PSME4: variants seen among roughly 807,000 people sequenced by gnomAD.
The protein encoded by PSME4 is proteasome activator complex subunit 4.
A neutral mutation model predicts 253.9 loss-of-function variants in PSME4; 89 were observed. That is an observed-to-expected ratio of 0.35 (90% CI 0.30 to 0.42). The LOEUF is 0.42. PSME4 is among the 10% of genes least tolerant of loss of function. The pLI, the probability that PSME4 is intolerant of heterozygous loss-of-function variation, is 1.00. For missense variants in PSME4, 2,014 were observed against 2,195.2 expected, an observed-to-expected ratio of 0.92 and a Z score of 1.65; for synonymous variants, 851 against 759.2, an observed-to-expected ratio of 1.12 and a Z score of -1.99.
At chr2:53,923,544 C>T in intron 14 of PSME4, 125 bp from the exon 15 acceptor site, 2 of 1,238,424 alleles carry the variant, frequency 1.6e-6, no homozygotes, top group Non-Finnish European at 2.2e-6. Context: ...AATTTTTAAC[C>T]ATCTGATTTT....
intron 14 of PSME4, among the ~76,000 whole-genome samples, chr2:53,923,789 G>A (rs1431917703): frequency 6.6e-6 from 1 of 152,054 alleles, no homozygotes; most frequent in African/African-American, 2.4e-5. Context: ...CAGGCATGGT[G>A]GCGCATGCCT....
chr2:53,908,967 A>G, intron 21 of PSME4, 127 bp from the exon 22 acceptor site: 9 of 631,224 alleles, frequency 1.4e-5, no homozygotes, highest in East Asian at 2.7e-5. Flanking sequence ...TGCCTTTACC[A>G]TAGTTGAATT....
chr2:53,875,487 T>C, intron 42 of PSME4, 140 bp downstream of exon 42: 1 of 763,762 alleles, frequency 1.3e-6, no homozygotes. Context: ...GTTTCTTTGG[T>C]CAATATATAT....
chr2:53,950,323 T>C (rs1464878094), intron 1 of PSME4, among the ~76,000 whole-genome samples: 4 of 151,824 alleles, frequency 2.6e-5, no homozygotes, highest in African/African-American at 9.7e-5. Context: ...AAGTATCTTA[T>C]GGTAACTGAG....
chr2:53,940,283 A>G (rs1189213713), intron 3 of PSME4, among the ~76,000 whole-genome samples: 1 of 152,184 alleles, frequency 6.6e-6, no homozygotes, highest in Admixed American at 6.5e-5. Context: ...TTTACAAGGT[A>G]GGCAGCAATG....
chr2:53,961,000 A>G (rs1032707351), intron 1 of PSME4, among the ~76,000 whole-genome samples: 10 of 152,000 alleles, frequency 6.6e-5, no homozygotes, highest in African/African-American at 2.4e-4. Flanking sequence ...CTAGCTACCC[A>G]GGAGGCTGAG....
chr2:53,915,738 T>C (rs1668030818), intron 20 of PSME4, among the ~76,000 whole-genome samples: 1 of 152,046 alleles, frequency 6.6e-6, no homozygotes, highest in Non-Finnish European at 1.5e-5. Context: ...CAGCTAGAAT[T>C]TTATCTAAGA....
At chr2:53,957,791 G>C (rs1168204443) in intron 1 of PSME4, among the ~76,000 whole-genome samples, 2 of 152,166 alleles carry the variant, frequency 1.3e-5, no homozygotes, top group Non-Finnish European at 2.9e-5. Context: ...CCTGATGACA[G>C]TATATAGTAC....
Position 53,893,002 on chromosome 2 carries a change from C to T in PSME4, c.4039-42G>A, listed in dbSNP as rs377575562. The T allele has an allele frequency of 5.8e-6, 9 of 1,548,954 alleles. No homozygotes were observed. The African/African-American group carries it at 9.6e-5, about 16-fold the overall frequency. On this transcript the variant is annotated intron_variant, in intron 35 of 46. Coordinates refer to ENST00000404125, the MANE Select transcript of PSME4 (RefSeq NM_014614.3). ...TGTTCTTCAGTACTCAAATGACTATCATCTCGATTATAATTATGCTTGTAA... is the reference window on the plus strand; with the variant it reads ...TGTTCTTCAGTACTCAAATGACTATTATCTCGATTATAATTATGCTTGTAA...
chr2:53,905,616 C>T (rs913129412), intron 26 of PSME4, among the ~76,000 whole-genome samples: 2 of 152,254 alleles, frequency 1.3e-5, no homozygotes, highest in African/African-American at 2.4e-5. Context: ...ATAAGACGAT[C>T]GCTTGAGCTC....
chr2:53,877,767 T>C (rs763963675), intron 41 of PSME4, among the ~76,000 whole-genome samples: 19 of 152,288 alleles, frequency 1.2e-4, no homozygotes, highest in South Asian at 2.1e-4. Context: ...AGGAGCTGAC[T>C]TAAGTTTGGT....
At chr2:53,955,611 T>C (rs1670194444) in intron 1 of PSME4, among the ~76,000 whole-genome samples, 1 of 152,052 alleles carries the variant, frequency 6.6e-6, no homozygotes, top group African/African-American at 2.4e-5. Context: ...TAAAAATACA[T>C]AATCATTCAA....
rs1558661588 is a variant in PSME4 at position 53,897,166 on chromosome 2, G to GTTT, written c.3607-282_3607-281insAAA. 4.9e-5 allele frequency among the ~76,000 whole-genome samples: 6 copies of GTTT among 122,994 alleles called. No individual in the cohort carries two copies. The East Asian group carries it at 1.2e-3, about 24-fold the overall frequency. 80.7% of individuals were successfully genotyped at this position (122,994 alleles called of 152,430 possible). On this transcript the variant is annotated intron_variant, in intron 31 of 46. Transcript: ENST00000404125. ...CTCATTCTTCAAATCTTAGCCTCAG[G>GTTT]GTTTTTTTTTTTTTTTTTTTTGACA... is the stretch of plus-strand genomic sequence containing the variant.
At chr2:53,940,842 C>CA (rs1455170088) in intron 3 of PSME4, among the ~76,000 whole-genome samples, 1 of 103,564 alleles carries the variant, frequency 9.7e-6, no homozygotes, top group Admixed American at 1.0e-4. Flanking sequence ...CCCCAAATCT[C>CA]AAAAAAATTT....
intron 1 of PSME4, among the ~76,000 whole-genome samples, chr2:53,970,108 G>C (rs1670980635): frequency 6.6e-6 from 1 of 152,172 alleles, no homozygotes. Flanking sequence ...GATCGTAGGG[G>C]AAGGAAGAAC....
chr2:53,889,493 T>C (rs913028776), intron 37 of PSME4, among the ~76,000 whole-genome samples: 2 of 151,706 alleles, frequency 1.3e-5, no homozygotes, highest in Non-Finnish European at 2.9e-5. Flanking sequence ...TTCTGAAATA[T>C]TCTCCATCTC....
rs1436669740 is a variant in PSME4 at position 53,970,803 on chromosome 2, C to A, written c.-19G>T. ...GCTCCATGAGCCCAGGGACACCCCC[C>A]CCACCCCCTCCCACCCGAACCCTCC... On this transcript the variant is annotated 5_prime_UTR_variant, in exon 1 of 47. Coordinates refer to ENST00000404125, the MANE Select transcript of PSME4 (RefSeq NM_014614.3). 5 of 1,487,598 alleles carry A rather than the reference C, an allele frequency of 3.4e-6. No individual in the cohort carries two copies. The highest frequency in any genetic ancestry group is 4.5e-6 in the Non-Finnish European group (5 of 1,117,798). The allele number at this position is 1,487,598 out of a possible 1,614,324, so 92.1% of individuals were successfully genotyped here. A position where few individuals can be genotyped will look rare whatever the true frequency, so the allele number is the denominator to read the frequency against.
At chr2:53,902,259 C>CTCCCCCT (rs1680437366) in intron 27 of PSME4, among the ~76,000 whole-genome samples, 1 of 152,110 alleles carries the variant, frequency 6.6e-6, no homozygotes, top group African/African-American at 2.4e-5. Flanking sequence ...TATTAGTTAA[C>CTCCCCCT]ACCTGGTTGC....
chr2:53,888,104 T>C (rs1679725982), intron 38 of PSME4, 115 bp from the exon 39 acceptor site: 1 of 1,043,718 alleles, frequency 9.6e-7, no homozygotes, highest in African/African-American at 1.7e-5. Context: ...TTTCACTTAA[T>C]AAATACTACA....
Sources: allele counts gnomAD v4.1 joint callset (sites outside exome capture counted in the v4.1 genomes callset), GRCh38; gene constraint gnomAD v4.1.1; transcripts MANE v1.5; gene names NCBI Gene and HGNC (gene_info 2026-07-23, HGNC 2026-07-21).